Variants in CCDC27 observed in about 807,000 individuals in gnomAD.
The protein encoded by CCDC27 is coiled-coil domain containing 27.
Under a neutral mutation model 80.3 loss-of-function variants are expected in CCDC27, and 80 were observed. The observed-to-expected ratio is 1.00, with a 90% CI of 0.83 to 1.20. The LOEUF (loss-of-function observed/expected upper bound fraction) is 1.20. Ranked by LOEUF, CCDC27 falls within the 50% of genes most tolerant of loss-of-function variation. The pLI, the probability that CCDC27 is intolerant of heterozygous loss-of-function variation, is 0.00. For synonymous variants in CCDC27, 342 were observed against 334.3 expected, an observed-to-expected ratio of 1.02 and a Z score of -0.25; for missense variants, 815 against 809.4, an observed-to-expected ratio of 1.01 and a Z score of -0.08.
rs780181258 is a variant in CCDC27 at position 3,754,238 on chromosome 1, T to G, written c.439T>G (p.Cys147Gly). 3.4e-5 allele frequency: 55 copies of G among 1,600,632 alleles called. No individual in the cohort carries two copies. Among genetic ancestry groups the G allele is most frequent in the Non-Finnish European group, 4.3e-5 (51 of 1,173,926 alleles). ...CACCAGGGCCACATCCATGTCCCAC[T>G]GTGGTAAGAGCCCCCCACCAGGACC... ...FSTRATSMSH[C>G]GSPTEADLSG... Residue 147 changes from cysteine (C) to glycine (G), a missense_variant, in exon 2 of 12, where the codon TGT becomes GGT. Cys to Gly is a radical substitution (Grantham distance 159). Transcript: ENST00000294600.
At chr1:3,770,295 G>A (rs182343103) in intron 11 of CCDC27, among the ~76,000 whole-genome samples, 150 of 152,274 alleles carry the variant, frequency 9.9e-4, no homozygotes, top group African/African-American at 3.4e-3. Flanking sequence ...CCCTGGTGCA[G>A]ACCCCTCCCA....
rs1643244626 is a variant in CCDC27 at position 3,767,107 on chromosome 1, G to A, written c.1531-126G>A. ...GCCCACCGCAGCTTCCCAAAGTGCT[G>A]GGATTACAGGCGTGAGCCACTGCAC... On this transcript the variant is annotated intron_variant, in intron 9 of 11. Transcript: ENST00000294600. 1.4e-5 allele frequency: 11 copies of A among 778,482 alleles called. No individual in the cohort carries two copies. The South Asian group carries it at 1.9e-4, about 13-fold the overall frequency. 48.2% of individuals were successfully genotyped at this position (778,482 alleles called of 1,614,324 possible). A position where few individuals can be genotyped will look rare whatever the true frequency, so the allele number is the denominator to read the frequency against.
rs1166636016 is a variant in CCDC27 at position 3,760,234 on chromosome 1, A to G, written c.712-1047A>G. On this transcript the variant is annotated intron_variant, in intron 4 of 11. Coordinates refer to ENST00000294600, the MANE Select transcript of CCDC27 (RefSeq NM_152492.3). This position sits in a 1 kb window ranked among gnomAD's most constrained non-coding sequence, Gnocchi z 4.3. The stretch of plus-strand genomic sequence containing the variant: ...CCCTTTAACTTTGTATTTCAGGCAT[A>G]AAGTGGTAAGAATCCATACTACAAA... Among the ~76,000 whole-genome samples, 1 of 152,190 alleles carries G rather than the reference A, an allele frequency of 6.6e-6. No individual in the cohort carries two copies. The highest frequency in any genetic ancestry group is 1.5e-5 in the Non-Finnish European group (1 of 68,036).
chr1:3,763,869 A>G lies in CCDC27; in HGVS notation c.1452+33A>G, dbSNP rs755120891. On this transcript the variant is annotated intron_variant, in intron 8 of 11. Transcript: ENST00000294600. The surrounding 1 kb of genome is among the most constrained non-coding windows in gnomAD (Gnocchi z 7.5). ...TGCGCTCAGTACCGGCCTCCGCTCCATGAGCATGGGCCCCAGGCTTCATTA... is the reference window on the plus strand; with the variant it reads ...TGCGCTCAGTACCGGCCTCCGCTCCGTGAGCATGGGCCCCAGGCTTCATTA... The G allele has an allele frequency of 3.1e-6, 5 of 1,608,326 alleles. No homozygotes were observed. The highest frequency in any genetic ancestry group is 2.2e-5 in the South Asian group (2 of 90,738).
At position 3,762,948 on chromosome 1, in the gene CCDC27, C is replaced by T. The variant is rs376514114; in HGVS notation, c.955-160C>T. 14 of 950,164 alleles carry T rather than the reference C, an allele frequency of 1.5e-5. 1 individual carries two copies. The Admixed American group carries it at 1.8e-4, about 12-fold the overall frequency. 58.9% of individuals were successfully genotyped at this position (950,164 alleles called of 1,614,324 possible). ...GACAGAGGCCACAGTGCCTGGGCCA[C>T]TGTTGGTGACCTTGCCAGGCAGATG... is the stretch of plus-strand genomic sequence containing the variant. On this transcript the variant is annotated intron_variant, in intron 6 of 11. Transcript: ENST00000294600.
chr1:3,754,161 A>C lies in CCDC27; in HGVS notation c.362A>C (p.Lys121Thr). 6.2e-7 allele frequency: 1 copy of C among 1,613,648 alleles called. No homozygotes were observed. Among genetic ancestry groups the C allele is most frequent in the Non-Finnish European group, 8.5e-7 (1 of 1,179,848 alleles). Residue 121 changes from lysine (K) to threonine (T), a missense_variant, in exon 2 of 12, where the codon AAA becomes ACA. Physicochemically the swap from Lys to Thr is moderately conservative, Grantham distance 78. Coordinates refer to ENST00000294600, the MANE Select transcript of CCDC27 (RefSeq NM_152492.3). ...GCCAGCCTCACCGGCTTCATGTCCA[A>C]AATGGAACTTCGAAGGGTCTTCCCC... ...DAASLTGFMSKMELRRVFPTH... is the reference protein window; with the variant it reads ...DAASLTGFMSTMELRRVFPTH...
rs546680034 is a variant in CCDC27 at position 3,769,582 on chromosome 1, G to C, written c.1744-201G>C. Among the ~76,000 whole-genome samples, 11 of 152,104 alleles carry C rather than the reference G, an allele frequency of 7.2e-5. No homozygotes were observed. The highest frequency in any genetic ancestry group is 1.5e-4 in the African/African-American group (6 of 41,370). Reference sequence around the variant, plus strand: ...TTGGGGCTGGGCCGCACAGGGTCAGGGGTTGGATCCGGCACCTCCTAGCTC... The same window carrying C: ...TTGGGGCTGGGCCGCACAGGGTCAGCGGTTGGATCCGGCACCTCCTAGCTC... On this transcript the variant is annotated intron_variant, in intron 10 of 11. Coordinates refer to ENST00000294600, the MANE Select transcript of CCDC27 (RefSeq NM_152492.3). The surrounding 1 kb of genome is among the most constrained non-coding windows in gnomAD (Gnocchi z 4.6).
At position 3,752,778 on chromosome 1, in the gene CCDC27, C is replaced by T. The variant is rs1642854688; in HGVS notation, c.297C>T (p.Ile99=). 6.2e-7 allele frequency: 1 copy of T among 1,612,784 alleles called. No individual in the cohort carries two copies. Among genetic ancestry groups the T allele is most frequent in the South Asian group, 1.1e-5 (1 of 91,058 alleles). Residue 99 remains isoleucine, a synonymous_variant, in exon 1 of 12, where the codon ATC becomes ATT. Transcript: ENST00000294600. ...CGCTCAGCAAGTCGGTCCAGACCAT[C>T]AGCCGCTACTACAGGAAGACGGTAT... ...PRTLSKSVQT[I]SRYYRKTSEP...
At position 3,763,384 on chromosome 1, in the gene CCDC27, C is replaced by T. The variant is rs1267426050; in HGVS notation, c.1231C>T (p.Leu411=). The T allele has an allele frequency of 2.5e-6, 4 of 1,613,026 alleles. No homozygotes were observed. Among genetic ancestry groups the T allele is most frequent in the Non-Finnish European group, 2.5e-6 (3 of 1,179,994 alleles). The change falls in exon 7 of 12, where the codon CTG becomes TTG. Residue 411 remains leucine (L), a synonymous_variant. Transcript: ENST00000294600. The surrounding 1 kb of genome is among the most constrained non-coding windows in gnomAD (Gnocchi z 7.5). ...CCTGGCCGAGTCGTTTGAGGAGGAG[C>T]TGCTGGCCCAGCTGGAGGAGTACGA... ...SSLAESFEEE[L]LAQLEEYEQV...
Position 3,769,046 on chromosome 1 carries a change from G to A in CCDC27, c.1744-737G>A, listed in dbSNP as rs951613468. Among the ~76,000 whole-genome samples, 1 of 152,176 alleles carries A rather than the reference G, an allele frequency of 6.6e-6. No individual in the cohort carries two copies. Among genetic ancestry groups the A allele is most frequent in the African/African-American group, 2.4e-5 (1 of 41,438 alleles). The stretch of plus-strand genomic sequence containing the variant: ...TGAGCCTCTCGGGCCCAGCTCCTGT[G>A]GGGCACCTCTGCGTCGTCAGGGTTT... On this transcript the variant is annotated intron_variant, in intron 10 of 11. Coordinates refer to ENST00000294600, the MANE Select transcript of CCDC27 (RefSeq NM_152492.3). This position sits in a 1 kb window ranked among gnomAD's most constrained non-coding sequence, Gnocchi z 4.6.
chr1:3,762,443 C>T (rs1643110940), intron 5 of CCDC27, among the ~76,000 whole-genome samples, 177 bp from the exon 6 acceptor site: 1 of 152,126 alleles, frequency 6.6e-6, no homozygotes, highest in African/African-American at 2.4e-5. Flanking sequence ...TGCCCATCCG[C>T]AGGTTCCTGT....
rs935469621 is a variant in CCDC27, at chr1:3,761,167, G to A, written c.712-114G>A. On this transcript the variant is annotated intron_variant, in intron 4 of 11. Coordinates refer to ENST00000294600, the MANE Select transcript of CCDC27 (RefSeq NM_152492.3). This position sits in a 1 kb window ranked among gnomAD's most constrained non-coding sequence, Gnocchi z 5.0. Reference sequence around the variant, plus strand: ...TATCTTGAAATCCCTGGGACCCTGGGGTTTTGGGGTACCACGACAGCAGAT... The same window carrying A: ...TATCTTGAAATCCCTGGGACCCTGGAGTTTTGGGGTACCACGACAGCAGAT... 22 of 1,256,726 alleles carry A rather than the reference G, an allele frequency of 1.8e-5. No individual in the cohort carries two copies. In the East Asian group the frequency reaches 3.0e-4, roughly 17 times the overall value. The allele number at this position is 1,256,726 out of a possible 1,614,324, so 77.8% of individuals were successfully genotyped here.
chr1:3,752,946 C>T lies in CCDC27; in HGVS notation c.318+147C>T, dbSNP rs576780285. 1,980 of 931,818 alleles carry T rather than the reference C, an allele frequency of 2.1e-3. 7 individuals carry two copies. The highest frequency in any genetic ancestry group is 4.1e-3 in the South Asian group (234 of 57,312). 57.7% of individuals were successfully genotyped at this position (931,818 alleles called of 1,614,324 possible). A position where few individuals can be genotyped will look rare whatever the true frequency, so the allele number is the denominator to read the frequency against. ...CCAAAGGGGGATTCCAGGCAGGCAA[C>T]GAATTGAGCGCTAGGGGTGGAAAGA... On this transcript the variant is annotated intron_variant, in intron 1 of 11. Coordinates refer to ENST00000294600, the MANE Select transcript of CCDC27 (RefSeq NM_152492.3).
At chr1:3,765,947 C>T (rs1308524595) in intron 8 of CCDC27, among the ~76,000 whole-genome samples, 1 of 151,866 alleles carries the variant, frequency 6.6e-6, no homozygotes, top group East Asian at 1.9e-4. Context: ...CAGCTCACTG[C>T]AGCCTCAGCC....
chr1:3,753,974 G>A, intron 1 of CCDC27, 144 bp from the exon 2 acceptor site: 1 of 1,167,120 alleles, frequency 8.6e-7, no homozygotes, highest in Non-Finnish European at 1.2e-6. Flanking sequence ...TGTCCTGGGT[G>A]TGGGGTCTGC....
chr1:3,758,336 G>A (rs913447604), intron 4 of CCDC27, among the ~76,000 whole-genome samples: 5 of 151,492 alleles, frequency 3.3e-5, no homozygotes, highest in Admixed American at 1.3e-4. Flanking sequence ...TTACAGGCAC[G>A]CACCACCACA....
In CCDC27 at chr1:3,760,501, A is replaced by C. The variant is rs1370232487; in HGVS notation, c.712-780A>C. ...ATTTCCCTCCTGGTATATGCATTTT[A>C]AGGCTATAAATTTGCCATTAATCAC... On this transcript the variant is annotated intron_variant, in intron 4 of 11. Transcript: ENST00000294600. This position sits in a 1 kb window ranked among gnomAD's most constrained non-coding sequence, Gnocchi z 4.3. Among the ~76,000 whole-genome samples the C allele has an allele frequency of 1.3e-5, 2 of 152,206 alleles. No homozygotes were observed. Among genetic ancestry groups the C allele is most frequent in the Non-Finnish European group, 2.9e-5 (2 of 68,044 alleles).
rs41315316 is a variant in CCDC27 at position 3,769,851 on chromosome 1, C to T, written c.1812C>T (p.Asn604=). Residue 604 remains asparagine (N), a synonymous_variant, in exon 11 of 12, where the codon AAC becomes AAT. Transcript: ENST00000294600. The surrounding 1 kb of genome is among the most constrained non-coding windows in gnomAD (Gnocchi z 4.6). The stretch of plus-strand genomic sequence containing the variant: ...TCTCCGGGACCAAGTCCTTGGCCAA[C>T]GAGATCTCTGACAATGACATCCTGG... ...FSISGTKSLA[N]EISDNDILEA... 77,782 of 1,613,538 alleles carry T rather than the reference C, an allele frequency of 0.048. 2,177 individuals are homozygous for T. The highest frequency in any genetic ancestry group is 0.055 in the Non-Finnish European group (64,735 of 1,179,518).
Position 3,763,876 on chromosome 1 carries a change from T to C in CCDC27, c.1452+40T>C, listed in dbSNP as rs570705712. On this transcript the variant is annotated intron_variant, in intron 8 of 11. Coordinates refer to ENST00000294600, the MANE Select transcript of CCDC27 (RefSeq NM_152492.3). This position sits in a 1 kb window ranked among gnomAD's most constrained non-coding sequence, Gnocchi z 7.5. ...AGTACCGGCCTCCGCTCCATGAGCA[T>C]GGGCCCCAGGCTTCATTAACCCCCG... 5.4e-5 allele frequency: 87 copies of C among 1,605,878 alleles called. No individual in the cohort carries two copies. In the South Asian group the frequency reaches 9.2e-4, roughly 17 times the overall value.
Sources: allele counts gnomAD v4.1 joint callset (sites outside exome capture counted in the v4.1 genomes callset), GRCh38; gene constraint gnomAD v4.1.1; non-coding constraint Gnocchi (gnomAD v3.1); transcripts MANE v1.5; gene names NCBI Gene and HGNC (gene_info 2026-07-23, HGNC 2026-07-21).